The following GOLGA2 variants were observed in gnomAD, a reference collection of about 807,000 sequenced individuals.
The protein encoded by GOLGA2 is golgin A2, also known as golgin subfamily A member 2.
In GOLGA2, 49 loss-of-function variants were observed where a neutral mutation model predicts 148.8. That is an observed-to-expected ratio of 0.33 (90% confidence interval 0.26 to 0.42). The LOEUF is 0.42. Among genes scored for constraint, GOLGA2 ranks in the 10% least tolerant of loss-of-function variants. The pLI is 1.00. For synonymous variants in GOLGA2, 501 were observed against 511.8 expected (o/e 0.98, Z 0.28); for missense variants, 1,178 against 1,304.6 (o/e 0.90, Z 1.49).
At position 128,263,064 on chromosome 9, in the gene GOLGA2, T is replaced by G; in HGVS notation, c.962A>C (p.Asp321Ala). Residue 321 changes from aspartate to alanine, a missense_variant, in exon 13 of 27, where the codon GAC becomes GCC. Coordinates refer to ENST00000611957, the MANE Select transcript of GOLGA2 (RefSeq NM_001366244.2). ...CTTGTATAACTCCAGCCTGAGGGCG[T>G]CTCTCTCTTTGGTTAACTCCTTGTT... ...RYNKELTKER[D>A]ALRLELYKNT... 1 of 1,610,642 alleles carries G rather than the reference T, an allele frequency of 6.2e-7. No individual in the cohort carries two copies. The highest frequency in any genetic ancestry group is 8.5e-7 in the Non-Finnish European group (1 of 1,177,014).
At position 128,260,126 on chromosome 9, in the gene GOLGA2, C is replaced by T. The variant is rs1830160666; in HGVS notation, c.1822G>A (p.Gly608Arg). ...TCCTGCAGCTCGCCCAGCTTCTTTC[C>T]CAGCTCCCTCTTGACGTGCTGCTCC... ...QSEQHVKREL[G>R]KKLGELQEKL... Residue 608 changes from glycine to arginine, a missense_variant, in exon 19 of 27, where the codon GGA (glycine) becomes AGA (arginine). Gly to Arg is a moderately radical substitution (Grantham distance 125). Transcript: ENST00000611957. The surrounding 1 kb of genome is among the most constrained non-coding windows in gnomAD (Gnocchi z 4.8). 1.2e-6 allele frequency: 2 copies of T among 1,611,168 alleles called. No individual in the cohort carries two copies. The highest frequency in any genetic ancestry group is 1.7e-6 in the Non-Finnish European group (2 of 1,179,886).
At chr9:128,262,283 A>C (rs1830321736) in intron 14 of GOLGA2, among the ~76,000 whole-genome samples, 2 of 152,098 alleles carry the variant, frequency 1.3e-5, no homozygotes, top group African/African-American at 4.8e-5. Context: ...TAGCCATATA[A>C]ATGTAATCTC....
rs1451353757 is a variant in GOLGA2, at chr9:128,265,689, C to T, written c.829G>A (p.Glu277Lys). 6.2e-7 allele frequency: 1 copy of T among 1,613,760 alleles called. No individual in the cohort carries two copies. The highest frequency in any genetic ancestry group is 1.3e-5 in the African/African-American group (1 of 74,922). Reference protein sequence around the residue: ...TQHAARQKEGESEDLASRLQY... With the variant: ...TQHAARQKEGKSEDLASRLQY... ...AGGCGGCTGGCCAGATCTTCAGACTCTCCTGGAATGAGAGAGGTTGAGATG... is the reference window on the plus strand; with the variant it reads ...AGGCGGCTGGCCAGATCTTCAGACTTTCCTGGAATGAGAGAGGTTGAGATG... Residue 277 changes from glutamate (E) to lysine (K), a missense_variant and splice_region_variant, in exon 12 of 27, where the codon GAG (glutamate) becomes AAG (lysine). Physicochemically the swap from Glu to Lys is moderately conservative, Grantham distance 56 (BLOSUM62 1). Transcript: ENST00000611957.
At position 128,257,547 on chromosome 9, in the gene GOLGA2, T is replaced by C. The variant is rs1465732642; in HGVS notation, c.2719-22A>G. ...TCACCTGGAGGGAGGGGTGCTAAGC[T>C]GCCATGCCCATGCCCGTGCCCACCT... On this transcript the variant is annotated intron_variant, in intron 25 of 26. Transcript: ENST00000611957. The surrounding 1 kb of genome is among the most constrained non-coding windows in gnomAD (Gnocchi z 8.0). 6.2e-7 allele frequency: 1 copy of C among 1,614,070 alleles called. No homozygotes were observed. The highest frequency in any genetic ancestry group is 1.7e-5 in the Admixed American group (1 of 60,018).
At chr9:128,265,922 A>G in intron 10 of GOLGA2, 41 bp from the exon 11 acceptor site, 1 of 1,606,674 alleles carries the variant, frequency 6.2e-7, no homozygotes, top group Non-Finnish European at 8.5e-7. Flanking sequence ...AAAGAAGGAA[A>G]GAAACATTCT....
chr9:128,267,400 G>C, intron 7 of GOLGA2, 58 bp downstream of exon 7: 2 of 1,498,754 alleles, frequency 1.3e-6, no homozygotes, highest in Admixed American at 3.3e-5. Context: ...CCCCGCTGTG[G>C]GAGGAGGTTG....
chr9:128,267,819 T>C (rs910688346), intron 6 of GOLGA2, 115 bp downstream of exon 6: 67 of 855,788 alleles, frequency 7.8e-5, no homozygotes, highest in Non-Finnish European at 1.2e-4. Flanking sequence ...TCCTTAACAT[T>C]GCCCAGCACA....
Position 128,257,491 on chromosome 9 carries a change from C to T in GOLGA2, c.2753G>A (p.Arg918Gln), listed in dbSNP as rs745789468. Residue 918 changes from arginine (R) to glutamine (Q), a missense_variant, in exon 26 of 27, where the codon CGG becomes CAG. Physicochemically the swap from Arg to Gln is conservative, Grantham distance 43. Around this residue, in one of 5 missense-constraint regions of GOLGA2, gnomAD observed 149 missense variants for 154.9 expected, o/e 0.96. Transcript: ENST00000611957. The surrounding 1 kb of genome is among the most constrained non-coding windows in gnomAD (Gnocchi z 8.0). The stretch of plus-strand genomic sequence containing the variant: ...CCACTCGTTGCGGTCGCCCACAAGC[C>T]GTAAGACCAGCTCCTGCAGCTCCAG... ...KLLELQELVL[R>Q]LVGDRNEWHG... 5.6e-6 allele frequency: 9 copies of T among 1,613,930 alleles called. No individual in the cohort carries two copies. Among genetic ancestry groups the T allele is most frequent in the Admixed American group, 5.0e-5 (3 of 60,030 alleles).
At position 128,275,901 on chromosome 9, in the gene GOLGA2, T is replaced by C; in HGVS notation, c.76A>G (p.Lys26Glu). ...ETRQSKLAAA[K>E]KKLREYQQRN... ...GACCCGGTGCACTTTACCTTTTTCT[T>C]CGCTGCGGCCAATTTGCTCTGTCGG... The change falls in exon 1 of 27, where the codon AAG (lysine) becomes GAG (glutamate). Residue 26 changes from lysine (K) to glutamate (E), a missense_variant. Physicochemically the swap from Lys to Glu is moderately conservative, Grantham distance 56. This residue lies in a region of GOLGA2 where 158 missense variants were observed against 156.6 expected (regional missense o/e 1.01). Transcript: ENST00000611957. 4 of 1,565,778 alleles carry C rather than the reference T, an allele frequency of 2.6e-6. No homozygotes were observed. Among genetic ancestry groups the C allele is most frequent in the Non-Finnish European group, 3.5e-6 (4 of 1,153,092 alleles).
In GOLGA2 at chr9:128,264,263, C is replaced by A. The variant is rs529969022; in HGVS notation, c.934-1171G>T. ...TATATGTATTTATTTGAGATGGAGT[C>A]TCCATCTGTCACCCAGGCTGGAGTG... On this transcript the variant is annotated intron_variant, in intron 12 of 26. Transcript: ENST00000611957. Among the ~76,000 whole-genome samples the A allele has an allele frequency of 2.6e-5, 4 of 150,994 alleles. No individual in the cohort carries two copies. The South Asian group carries it at 8.4e-4, about 32-fold the overall frequency.
Position 128,257,686 on chromosome 9 carries a change from T to C in GOLGA2, c.2633A>G (p.Gln878Arg), listed in dbSNP as rs1221930236. The change falls in exon 25 of 27, where the codon CAG becomes CGG. Residue 878 changes from glutamine to arginine, a missense_variant. Physicochemically the swap from Gln to Arg is conservative, Grantham distance 43 (BLOSUM62 1). Transcript: ENST00000611957. This position sits in a 1 kb window ranked among gnomAD's most constrained non-coding sequence, Gnocchi z 8.0. ...CTCCTTCAGCACTGCCCTCTGGCTC[T>C]GGTACAGTGCAATGTACTCTCCTGC... ...DTIGEYIALY[Q>R]SQRAVLKERH... The C allele has an allele frequency of 2.5e-6, 4 of 1,614,134 alleles. No homozygotes were observed. Among genetic ancestry groups the C allele is most frequent in the Non-Finnish European group, 2.5e-6 (3 of 1,179,968 alleles).
Position 128,257,268 on chromosome 9 carries a change from C to T in GOLGA2, c.2889G>A (p.Val963=). 6.2e-7 allele frequency: 1 copy of T among 1,612,982 alleles called. No individual in the cohort carries two copies. Among genetic ancestry groups the T allele is most frequent in the Non-Finnish European group, 8.5e-7 (1 of 1,179,736 alleles). Residue 963 remains valine (V), a synonymous_variant, in exon 27 of 27, where the codon GTG becomes GTA. Transcript: ENST00000611957. The surrounding 1 kb of genome is among the most constrained non-coding windows in gnomAD (Gnocchi z 8.0). ...CAGGCTCCACACTGCCGGCGAGGCT[C>T]ACCTCGCAAAGATCTTTGGAGAGAG... ...AANQQGDLCE[V]SLAGSVEPAQ... is the part of the protein sequence containing the mutation.
Position 128,258,438 on chromosome 9 carries a change from G to C in GOLGA2, c.2289+17C>G, listed in dbSNP as rs760037175. On this transcript the variant is annotated intron_variant, in intron 22 of 26. Transcript: ENST00000611957. This position sits in a 1 kb window ranked among gnomAD's most constrained non-coding sequence, Gnocchi z 6.6. The stretch of plus-strand genomic sequence containing the variant: ...AGAGGGAGGCAGCAAAGGTTGGGGA[G>C]GGGGAGTCAGCCTCACCATGGCTTC... 3 of 1,600,166 alleles carry C rather than the reference G, an allele frequency of 1.9e-6. No homozygotes were observed. Among genetic ancestry groups the C allele is most frequent in the Non-Finnish European group, 2.6e-6 (3 of 1,167,916 alleles).
chr9:128,260,829 CCTCTGGATT>C lies in GOLGA2; in HGVS notation c.1421-36_1421-28del. 1 of 1,480,168 alleles carries C rather than the reference CCTCTGGATT, an allele frequency of 6.8e-7. No homozygotes were observed. Among genetic ancestry groups the C allele is most frequent in the Admixed American group, 2.0e-5 (1 of 50,370 alleles). The allele number at this position is 1,480,168 out of a possible 1,614,324, so 91.7% of individuals were successfully genotyped here. On this transcript the variant is annotated intron_variant, in intron 17 of 26. Coordinates refer to ENST00000611957, the MANE Select transcript of GOLGA2 (RefSeq NM_001366244.2). The surrounding 1 kb of genome is among the most constrained non-coding windows in gnomAD (Gnocchi z 4.8). ...TGAGAAAGGACGCAGACAATAAAAG[CCTCTGGATT>C]CTCAAAAAAACCCTCCTCTTGGTCC... is the stretch of plus-strand genomic sequence containing the variant.
chr9:128,257,971 C>T lies in GOLGA2; in HGVS notation c.2508+9G>A. The T allele has an allele frequency of 1.9e-6, 3 of 1,594,140 alleles. No individual in the cohort carries two copies. The highest frequency in any genetic ancestry group is 2.2e-5 in the East Asian group (1 of 44,676). On this transcript the variant is annotated intron_variant, in intron 23 of 26. Coordinates refer to ENST00000611957, the MANE Select transcript of GOLGA2 (RefSeq NM_001366244.2). This position sits in a 1 kb window ranked among gnomAD's most constrained non-coding sequence, Gnocchi z 8.0. ...CCTTCTTGACCCATGCCAGGAGAGA[C>T]TCATTCACCTGCAGCTTCTCCATGG...
At chr9:128,273,784 A>G (rs765836722) in intron 2 of GOLGA2, 66 bp downstream of exon 2, 7 of 1,565,402 alleles carry the variant, frequency 4.5e-6, no homozygotes, top group African/African-American at 1.4e-5. Flanking sequence ...TTCCACAATC[A>G]TAACAATTAC....
Position 128,261,191 on chromosome 9 carries a change from A to G in GOLGA2, c.1401T>C (p.Ala467=). 6.2e-7 allele frequency: 1 copy of G among 1,612,792 alleles called. No individual in the cohort carries two copies. Among genetic ancestry groups the G allele is most frequent in the South Asian group, 1.1e-5 (1 of 91,052 alleles). ...GCTTACCCATCTGGTTCCTCAGTTC[A>G]GCCAAGCTCGTCTCCAGCTCCTGTA... ...SRVQELETSL[A]ELRNQMAEPP... is the part of the protein sequence containing the mutation. The change falls in exon 17 of 27, where the codon GCT becomes GCC. Residue 467 remains alanine (A), a synonymous_variant. Transcript: ENST00000611957. The surrounding 1 kb of genome is among the most constrained non-coding windows in gnomAD (Gnocchi z 5.7).
Position 128,256,944 on chromosome 9 carries a change from TAGAC to T in GOLGA2, c.*119_*122del, listed in dbSNP as rs1052785331. 3 of 727,444 alleles carry T rather than the reference TAGAC, an allele frequency of 4.1e-6. No homozygotes were observed. In the African/African-American group the frequency reaches 5.3e-5, roughly 13 times the overall value. 45.1% of individuals were successfully genotyped at this position (727,444 alleles called of 1,614,324 possible). ...CTCATCTGCACCTGTCTACCCCCGT[TAGAC>T]AGGGGTCTATGCTTGCTACTGTAAG... On this transcript the variant is annotated 3_prime_UTR_variant, in exon 27 of 27. Transcript: ENST00000611957.
rs931076034 is a variant in GOLGA2, at chr9:128,261,694, C to T, written c.1198G>A (p.Ala400Thr). 1.6e-5 allele frequency: 25 copies of T among 1,611,864 alleles called. No individual in the cohort carries two copies. Among genetic ancestry groups the T allele is most frequent in the Non-Finnish European group, 2.1e-5 (25 of 1,178,058 alleles). The change falls in exon 15 of 27, where the codon GCA (alanine) becomes ACA (threonine). Residue 400 changes from alanine to threonine, a missense_variant. This residue lies in a region of GOLGA2 where 304 missense variants were observed against 404.1 expected (regional missense o/e 0.75). Coordinates refer to ENST00000611957, the MANE Select transcript of GOLGA2 (RefSeq NM_001366244.2). This position sits in a 1 kb window ranked among gnomAD's most constrained non-coding sequence, Gnocchi z 5.7. ...TGCCCCAGGTGTGCTTCCAGCTGTG[C>T]CCGCTCCTCCATGGCCTGCTGTAAC... is the stretch of plus-strand genomic sequence containing the variant. ...QQLQQAMEERAQLEAHLGQVM... is the reference protein window; with the variant it reads ...QQLQQAMEERTQLEAHLGQVM...
Sources: allele counts gnomAD v4.1 joint callset (sites outside exome capture counted in the v4.1 genomes callset), GRCh38; gene constraint gnomAD v4.1.1; regional missense constraint gnomAD v4.1.1; non-coding constraint Gnocchi (gnomAD v3.1); transcripts MANE v1.5; gene names NCBI Gene and HGNC (gene_info 2026-07-23, HGNC 2026-07-21).